INTS15: variants seen among roughly 807,000 people sequenced by gnomAD.
INTS15 encodes uncharacterized protein C7orf26.
the INTS15 span, among the ~76,000 whole-genome samples, chr7:6,591,386 C>T: frequency 7.3e-5 from 11 of 151,724 alleles, no homozygotes; most frequent in African/African-American, 2.2e-4. Flanking sequence ...CCTGCCTAAG[C>T]CTCCCGAGTA....
chr7:6,593,329 G>GTTTTTTTT, the INTS15 span, among the ~76,000 whole-genome samples: 19 of 130,834 alleles, frequency 1.5e-4, no homozygotes, highest in Admixed American at 3.2e-4. Context: ...CTGTGCGGTG[G>GTTTTTTTT]TTTTTTTTTT....
the INTS15 span, among the ~76,000 whole-genome samples, chr7:6,597,952 C>T: frequency 9.8e-5 from 15 of 152,292 alleles, no homozygotes; most frequent in African/African-American, 3.6e-4. Flanking sequence ...GAGCTGAGAA[C>T]GTGGGACTCT....
the INTS15 span, among the ~76,000 whole-genome samples, chr7:6,597,747 C>G: frequency 6.6e-6 from 1 of 152,118 alleles, no homozygotes; most frequent in Admixed American, 6.6e-5. Context: ...TCTCTTAAGC[C>G]AGTATGTCCG....
the INTS15 span, among the ~76,000 whole-genome samples, chr7:6,596,112 C>T: frequency 6.6e-6 from 1 of 151,546 alleles, no homozygotes; most frequent in African/African-American, 2.4e-5. Context: ...AATGCAGTGG[C>T]ATGATCTTGG....
chr7:6,605,617 T>G, the INTS15 span, among the ~76,000 whole-genome samples: 1 of 152,128 alleles, frequency 6.6e-6, no homozygotes, highest in Admixed American at 6.5e-5. Flanking sequence ...TGACGCAGAT[T>G]TGGGGAGCCC....
the INTS15 span, among the ~76,000 whole-genome samples, chr7:6,604,951 G>T: frequency 2.0e-5 from 3 of 152,000 alleles, no homozygotes; most frequent in Non-Finnish European, 2.9e-5. Flanking sequence ...TCTCCCAGGG[G>T]CCCACACTCT....
chr7:6,594,589 A>G, the INTS15 span: 3 of 1,613,986 alleles, frequency 1.9e-6, no homozygotes, highest in South Asian at 3.3e-5. Context: ...GCGCTCTATG[A>G]CCTGTCATCA....
the INTS15 span, among the ~76,000 whole-genome samples, chr7:6,593,453 C>T: frequency 6.6e-6 from 1 of 151,266 alleles, no homozygotes; most frequent in African/African-American, 2.4e-5. Flanking sequence ...GCCTCAGCCT[C>T]TCGAGTAGCT....
chr7:6,595,237 G>T, the INTS15 span, among the ~76,000 whole-genome samples: 1 of 152,068 alleles, frequency 6.6e-6, no homozygotes, highest in African/African-American at 2.4e-5. Flanking sequence ...TCGCCATGTT[G>T]TCCAGGTTGG....
the INTS15 span, chr7:6,591,590 T>C: frequency 2.0e-6 from 3 of 1,499,798 alleles, no homozygotes; most frequent in East Asian, 6.8e-5. Flanking sequence ...AATGTATGAG[T>C]TAATAAGTAC....
chr7:6,597,451 C>T, the INTS15 span, among the ~76,000 whole-genome samples: 10 of 152,106 alleles, frequency 6.6e-5, no homozygotes, highest in East Asian at 9.7e-4. Flanking sequence ...TGCGCCACCA[C>T]GCCTGGCTAA....
At chr7:6,601,494 C>T in the INTS15 span, among the ~76,000 whole-genome samples, 1 of 151,990 alleles carries the variant, frequency 6.6e-6, no homozygotes. Flanking sequence ...CGGGGTTTCA[C>T]CATGTCGGCC....
chr7:6,598,735 T>TGTGTGTGTGTG, the INTS15 span, among the ~76,000 whole-genome samples: 1 of 83,618 alleles, frequency 1.2e-5, no homozygotes, highest in African/African-American at 5.1e-5. Context: ...GCTGTATGCT[T>TGTGTGTGTGTG]TGTGTGTGTG....
At chr7:6,594,748 A>G in the INTS15 span, 20 of 800,274 alleles carry the variant, frequency 2.5e-5, no homozygotes, top group South Asian at 3.5e-4. Flanking sequence ...ATTTTTTGAG[A>G]TGGAGTCTGT....
At chr7:6,608,376 C>T in the INTS15 span, 4 of 1,408,124 alleles carry the variant, frequency 2.8e-6, no homozygotes, top group African/African-American at 3.0e-5. Flanking sequence ...CAGCCTCTGC[C>T]GAGAGCCTGC....
At chr7:6,602,367 C>T in the INTS15 span, 14 of 521,138 alleles carry the variant, frequency 2.7e-5, no homozygotes, top group East Asian at 6.7e-5. Context: ...CCTGTATCAC[C>T]GAAAGCTCCC....
At chr7:6,590,534 C>T in the INTS15 span, 1 of 1,482,986 alleles carries the variant, frequency 6.7e-7, no homozygotes, top group Non-Finnish European at 9.0e-7. Flanking sequence ...GGCCTTTTCC[C>T]CAGCGATGCA....
At chr7:6,607,918 C>G in the INTS15 span, 14 of 1,594,308 alleles carry the variant, frequency 8.8e-6, no homozygotes, top group South Asian at 1.5e-4. The surrounding 1 kb of genome is among the most constrained non-coding windows in gnomAD (Gnocchi z 6.0). Context: ...CTGCGGAGTC[C>G]CCGGAGCCCG....
the INTS15 span, chr7:6,608,297 A>T: frequency 9.7e-6 from 14 of 1,450,072 alleles, no homozygotes; most frequent in Non-Finnish European, 1.2e-5. Context: ...TCTTGGTGTC[A>T]CGGAGTCCAG....
Sources: allele counts gnomAD v4.1 joint callset (sites outside exome capture counted in the v4.1 genomes callset), GRCh38; gene constraint gnomAD v4.1.1; non-coding constraint Gnocchi (gnomAD v3.1); transcripts MANE v1.5; gene names NCBI Gene and HGNC (gene_info 2026-07-23, HGNC 2026-07-21).